NINL: variants seen among roughly 807,000 people sequenced by gnomAD.
NINL encodes the protein ninein-like protein.
NINL carries 153 observed loss-of-function variants against 160.3 expected under a neutral mutation model. That is an observed-to-expected ratio of 0.95 (90% CI 0.84 to 1.09). NINL has a LOEUF of 1.09. Ranked by LOEUF, NINL falls within the 50% of genes least tolerant of loss-of-function variation. NINL has a pLI of 0.00. For missense variants in NINL, 1,829 were observed against 1,764.0 expected (o/e 1.04, Z -0.66); for synonymous variants, 800 against 734.8 (o/e 1.09, Z -1.43).
Position 25,476,618 on chromosome 20 carries a change from CG to C in NINL, c.2672del (p.Pro891ArgfsTer72), listed in dbSNP as rs1568871146. On this transcript the variant is annotated frameshift_variant, in exon 17 of 24. Coordinates refer to ENST00000278886, the MANE Select transcript of NINL (RefSeq NM_025176.6). LOFTEE classifies it high-confidence loss of function. ...QAQDTEATQSPAPAPAPASHG... is the reference protein window; with the variant it reads ...QAQDTEATQSXAPAPAPASHG... ...GGGATGCCGGGGCAGGGGCGGGGGC[CG>C]GGCTCTGCGTAGCTTCTGTGTCCTG... The C allele has an allele frequency of 1.9e-6, 3 of 1,593,172 alleles. No individual in the cohort carries two copies. The South Asian group carries it at 3.3e-5, about 18-fold the overall frequency.
At chr20:25,554,814 C>T (rs561173454) in intron 1 of NINL, among the ~76,000 whole-genome samples, 29 of 152,034 alleles carry the variant, frequency 1.9e-4, no homozygotes, top group Admixed American at 1.5e-3. Context: ...TAAAAACAAA[C>T]AAACAAACAA....
At chr20:25,538,948 T>C (rs1269617492) in intron 1 of NINL, among the ~76,000 whole-genome samples, 1 of 152,176 alleles carries the variant, frequency 6.6e-6, no homozygotes, top group Admixed American at 6.5e-5. Flanking sequence ...ACCTTGGCTG[T>C]CAGCTGCTGC....
In NINL at chr20:25,453,242, C is replaced by T; in HGVS notation, c.*209G>A. 1 of 442,908 alleles carries T rather than the reference C, an allele frequency of 2.3e-6. No homozygotes were observed. The highest frequency in any genetic ancestry group is 3.6e-5 in the East Asian group (1 of 28,146). The allele number at this position is 442,908 out of a possible 1,614,324, so 27.4% of individuals were successfully genotyped here. A position where few individuals can be genotyped will look rare whatever the true frequency, so the allele number is the denominator to read the frequency against. On this transcript the variant is annotated 3_prime_UTR_variant, in exon 24 of 24. Transcript: ENST00000278886. ...AATTACTCAGGACCGCTAATAAAAA[C>T]GCCGGCTTCTGCAACATGCATATTC...
At chr20:25,456,623 C>T (rs575126799) in intron 22 of NINL, among the ~76,000 whole-genome samples, 1 of 152,022 alleles carries the variant, frequency 6.6e-6, no homozygotes, top group African/African-American at 2.4e-5. Context: ...CAGCTCAAGG[C>T]TATTTATTTT....
chr20:25,498,767 C>T (rs987448375), intron 8 of NINL, among the ~76,000 whole-genome samples: 7 of 152,216 alleles, frequency 4.6e-5, no homozygotes, highest in Non-Finnish European at 1.0e-4. Context: ...GCAGCTCATG[C>T]CACCAAGAAG....
rs760702379 is a variant in NINL at position 25,491,533 on chromosome 20, A to G, written c.1311-8T>C. On this transcript the variant is annotated splice_region_variant and splice_polypyrimidine_tract_variant and intron_variant, in intron 10 of 23. Coordinates refer to ENST00000278886, the MANE Select transcript of NINL (RefSeq NM_025176.6). ...TACCCCTGCTCCAGATGCCTGTAAC[A>G]TGTCACACATCACACGTCAGACATG... 4.3e-6 allele frequency: 7 copies of G among 1,612,206 alleles called. No homozygotes were observed. The highest frequency in any genetic ancestry group is 2.2e-5 in the South Asian group (2 of 90,924).
chr20:25,540,125 C>A, intron 1 of NINL: 1 of 1,066,162 alleles, frequency 9.4e-7, no homozygotes, highest in African/African-American at 1.6e-5. Flanking sequence ...GTCAAAATCA[C>A]CAGAAAATCT....
rs1358052026 is a variant in NINL, at chr20:25,476,569, G to A, written c.2722C>T (p.Arg908Cys). 4 of 1,599,242 alleles carry A rather than the reference G, an allele frequency of 2.5e-6. No homozygotes were observed. The highest frequency in any genetic ancestry group is 1.7e-5 in the Admixed American group (1 of 59,934). ...ASHGPSERWS[R>C]MQPCGVDGDI... Reference sequence around the variant, plus strand: ...CCATCCACTCCACAGGGCTGCATGCGTGACCACCTCTCTGAGGGGCCGTGG... The same window carrying A: ...CCATCCACTCCACAGGGCTGCATGCATGACCACCTCTCTGAGGGGCCGTGG... The change falls in exon 17 of 24, where the codon CGC becomes TGC. Residue 908 changes from arginine to cysteine, a missense_variant. Transcript: ENST00000278886.
At chr20:25,457,802 C>T (rs2090727446) in intron 22 of NINL, among the ~76,000 whole-genome samples, 1 of 152,186 alleles carries the variant, frequency 6.6e-6, no homozygotes, top group Non-Finnish European at 1.5e-5. Flanking sequence ...TGCTGGGGAC[C>T]CTTCAAGTGC....
At chr20:25,540,540 G>A (rs1333005393) in intron 1 of NINL, among the ~76,000 whole-genome samples, 3 of 152,178 alleles carry the variant, frequency 2.0e-5, no homozygotes, top group East Asian at 1.9e-4. Flanking sequence ...ATGACCACTC[G>A]GAGGCAGCCT....
chr20:25,462,747 T>C, intron 19 of NINL: 1 of 460,066 alleles, frequency 2.2e-6, no homozygotes, highest in East Asian at 4.4e-5. Flanking sequence ...CGTGACCTCC[T>C]AGGCTCAGGC....
rs1158915984 is a variant in NINL, at chr20:25,462,424, T to C, written c.3541A>G (p.Thr1181Ala). The C allele has an allele frequency of 1.9e-6, 3 of 1,614,146 alleles. No homozygotes were observed. The highest frequency in any genetic ancestry group is 2.2e-5 in the South Asian group (2 of 91,074). The change falls in exon 20 of 24, where the codon ACA becomes GCA. Residue 1181 changes from threonine (T) to alanine (A), a missense_variant. Coordinates refer to ENST00000278886, the MANE Select transcript of NINL (RefSeq NM_025176.6). Reference sequence around the variant, plus strand: ...CGAACCACCTCCTCCAGGCTCTGTGTTAACATCTGAATGGTCACACGATGC... The same window carrying C: ...CGAACCACCTCCTCCAGGCTCTGTGCTAACATCTGAATGGTCACACGATGC... Reference protein sequence around the residue: ...EEHRVTIQMLTQSLEEVVRSG... With the variant: ...EEHRVTIQMLAQSLEEVVRSG...
intron 4 of NINL, among the ~76,000 whole-genome samples, chr20:25,511,420 C>CA (rs1470981358): frequency 6.6e-6 from 1 of 152,196 alleles, no homozygotes; most frequent in Non-Finnish European, 1.5e-5. Context: ...CAACTGGAAT[C>CA]AAAGTCTGAT....
intron 13 of NINL, among the ~76,000 whole-genome samples, chr20:25,484,522 C>G (rs1257242427): frequency 6.6e-6 from 1 of 152,232 alleles, no homozygotes; most frequent in Non-Finnish European, 1.5e-5. Context: ...GCGGGGCATG[C>G]CGCGGCACAG....
intron 1 of NINL, among the ~76,000 whole-genome samples, chr20:25,545,700 A>C (rs936941230): frequency 1.1e-4 from 16 of 152,228 alleles, no homozygotes; most frequent in African/African-American, 3.9e-4. Context: ...TGACTCTAGC[A>C]CAGCATCATA....
intron 17 of NINL, among the ~76,000 whole-genome samples, chr20:25,472,337 A>ATATATATATG (rs2063118434): frequency 2.2e-5 from 1 of 46,302 alleles, no homozygotes; most frequent in African/African-American, 7.4e-5. Flanking sequence ...ATATATATAT[A>ATATATATATG]TATATATATA....
At chr20:25,480,723 T>A (rs1369571071) in intron 14 of NINL, among the ~76,000 whole-genome samples, 2 of 152,190 alleles carry the variant, frequency 1.3e-5, no homozygotes, top group Non-Finnish European at 2.9e-5. Flanking sequence ...TACATTATTA[T>A]TTCATCACAT....
At chr20:25,453,776 G>C in intron 23 of NINL, 134 bp from the exon 24 acceptor site, 1 of 761,750 alleles carries the variant, frequency 1.3e-6, no homozygotes, top group Admixed American at 3.2e-5. Context: ...CAAGGCCGGG[G>C]GCAGTGGTTC....
At chr20:25,575,446 CAAAA>C (rs1167252309) in intron 1 of NINL, among the ~76,000 whole-genome samples, 2 of 43,758 alleles carry the variant, frequency 4.6e-5, no homozygotes, top group Admixed American at 2.2e-4. Flanking sequence ...GACTCCGTCT[CAAAA>C]AAAAAAAAAA....
Sources: allele counts gnomAD v4.1 joint callset (sites outside exome capture counted in the v4.1 genomes callset), GRCh38; gene constraint gnomAD v4.1.1; transcripts MANE v1.5; gene names NCBI Gene and HGNC (gene_info 2026-07-23, HGNC 2026-07-21).